Variants in COL5A2 observed in about 807,000 individuals in gnomAD.
COL5A2 encodes collagen type V alpha 2 chain, also known as collagen alpha-2(V) chain.
Under a neutral mutation model 208.2 loss-of-function variants are expected in COL5A2, and 23 were observed. The ratio of observed to expected loss-of-function variants is 0.11; its 90% CI spans 0.08 to 0.16. COL5A2 has a LOEUF of 0.16. COL5A2 is among the 10% of genes least tolerant of loss of function. COL5A2 has a pLI of 1.00. For missense variants in COL5A2, 1,590 were observed against 1,956.4 expected, an observed-to-expected ratio of 0.81 and a Z score of 3.53; for synonymous variants, 625 against 628.5, an observed-to-expected ratio of 0.99 and a Z score of 0.08.
chr2:189,249,988 G>A, the COL5A2 span, among the ~76,000 whole-genome samples: 3 of 152,222 alleles, frequency 2.0e-5, no homozygotes. Context: ...GTGAGCCACT[G>A]TGCCCAGCCT....
intron 1 of COL5A2, among the ~76,000 whole-genome samples, chr2:189,164,069 C>T (rs960616741): frequency 1.3e-5 from 2 of 152,160 alleles, no homozygotes; most frequent in South Asian, 2.1e-4. Flanking sequence ...AGAATGTAGA[C>T]AGGCCTGAGG....
At position 189,066,374 on chromosome 2, in the gene COL5A2, T is replaced by A; in HGVS notation, c.1563+16A>T. On this transcript the variant is annotated intron_variant, in intron 23 of 53. Coordinates refer to ENST00000374866, the MANE Select transcript of COL5A2 (RefSeq NM_000393.5). Reference sequence around the variant, plus strand: ...CCCTCACAACTGTAAGAATGTGTTGTATTATTTAAATTTACCCTTTCTCCC... The same window carrying A: ...CCCTCACAACTGTAAGAATGTGTTGAATTATTTAAATTTACCCTTTCTCCC... 1 of 1,587,994 alleles carries A rather than the reference T, an allele frequency of 6.3e-7. No individual in the cohort carries two copies. Among genetic ancestry groups the A allele is most frequent in the South Asian group, 1.1e-5 (1 of 90,528 alleles).
chr2:189,105,734 A>T (rs1687136430), intron 2 of COL5A2, among the ~76,000 whole-genome samples: 1 of 151,476 alleles, frequency 6.6e-6, no homozygotes, highest in Non-Finnish European at 1.5e-5. Context: ...TATATTTTAG[A>T]AGACTATAAA....
chr2:189,034,853 G>T (rs543794217), intron 53 of COL5A2, 63 bp downstream of exon 53: 44 of 1,598,028 alleles, frequency 2.8e-5, no homozygotes, highest in Non-Finnish European at 3.7e-5. Flanking sequence ...TGCTGTAATA[G>T]TATTTTTAAC....
chr2:189,036,938 C>T (rs556049576), intron 51 of COL5A2, 135 bp from the exon 52 acceptor site: 33 of 731,604 alleles, frequency 4.5e-5, no homozygotes, highest in African/African-American at 1.6e-4. Flanking sequence ...GTGCCCCTTA[C>T]GAAAAAAGTA....
At chr2:189,316,824 T>A in the COL5A2 span, among the ~76,000 whole-genome samples, 1 of 150,472 alleles carries the variant, frequency 6.6e-6, no homozygotes, top group South Asian at 2.1e-4. Context: ...TACTATTTGA[T>A]ACCACAACAG....
Position 189,063,988 on chromosome 2 carries a change from C to T in COL5A2, c.1762G>A (p.Gly588Arg), listed in dbSNP as rs749312789. Residue 588 changes from glycine to arginine, a missense_variant, in exon 26 of 54, where the codon GGA becomes AGA. Coordinates refer to ENST00000374866, the MANE Select transcript of COL5A2 (RefSeq NM_000393.5). ...PGVQGPEGKL[G>R]PLGAPGEDGR... is the part of the protein sequence containing the mutation. ...CTGTTTAAATTACTTACCAAAGGTC[C>T]AAGTTTTCCTTCAGGACCTTGAACA... The T allele has an allele frequency of 1.2e-6, 2 of 1,612,974 alleles. No homozygotes were observed. Among genetic ancestry groups the T allele is most frequent in the African/African-American group, 1.3e-5 (1 of 74,982 alleles).
chr2:189,360,972 GT>G, the COL5A2 span, among the ~76,000 whole-genome samples: 5,284 of 140,928 alleles, frequency 0.037, 98 homozygotes, highest in Admixed American at 0.053. Flanking sequence ...TGGCTGTTCT[GT>G]TTTTTTTTTT....
At position 189,050,648 on chromosome 2, in the gene COL5A2, C is replaced by T; in HGVS notation, c.2960G>A (p.Gly987Glu). The part of the protein sequence containing the change: ...PGPDGPPGPA[G>E]TTGQRGIVGM... Reference sequence around the variant, plus strand: ...AACAATTCCTCTCTGCCCGGTCGTTCCAGCTGGACCAGGGGGGCCATCTGG... The same window carrying T: ...AACAATTCCTCTCTGCCCGGTCGTTTCAGCTGGACCAGGGGGGCCATCTGG... Residue 987 changes from glycine to glutamate, a missense_variant, in exon 43 of 54, where the codon GGA becomes GAA. Transcript: ENST00000374866. The T allele has an allele frequency of 6.4e-7, 1 of 1,552,310 alleles. No homozygotes were observed. The highest frequency in any genetic ancestry group is 8.7e-7 in the Non-Finnish European group (1 of 1,147,262).
intron 2 of COL5A2, among the ~76,000 whole-genome samples, chr2:189,105,775 T>A (rs1281739645): frequency 6.6e-6 from 1 of 151,548 alleles, no homozygotes; most frequent in Non-Finnish European, 1.5e-5. Context: ...TTGAAATCAT[T>A]ATGATTTAAT....
the COL5A2 span, among the ~76,000 whole-genome samples, chr2:189,435,290 C>T: frequency 6.6e-6 from 1 of 152,074 alleles, no homozygotes; most frequent in African/African-American, 2.4e-5. Context: ...ATTAAAACAC[C>T]AAAAGCAATG....
chr2:189,217,168 T>A (rs1276233896), intron 1 of COL5A2, among the ~76,000 whole-genome samples: 3 of 152,158 alleles, frequency 2.0e-5, no homozygotes, highest in Non-Finnish European at 2.9e-5. Context: ...TTTATTCACT[T>A]TCTGAAGTAA....
chr2:189,412,471 A>G, the COL5A2 span, among the ~76,000 whole-genome samples: 1 of 152,196 alleles, frequency 6.6e-6, no homozygotes, highest in Non-Finnish European at 1.5e-5. Context: ...TTGATTCACT[A>G]ACAGAATAAT....
the COL5A2 span, among the ~76,000 whole-genome samples, chr2:189,236,067 T>C: frequency 6.6e-6 from 1 of 151,478 alleles, no homozygotes; most frequent in Non-Finnish European, 1.5e-5. Context: ...GCATTTCACA[T>C]GTGTTGTCAC....
At chr2:189,335,972 A>C in the COL5A2 span, among the ~76,000 whole-genome samples, 1 of 152,194 alleles carries the variant, frequency 6.6e-6, no homozygotes, top group South Asian at 2.1e-4. Flanking sequence ...GACAAGACAC[A>C]GACTGGGAGA....
At chr2:189,414,055 C>T in the COL5A2 span, among the ~76,000 whole-genome samples, 1 of 152,182 alleles carries the variant, frequency 6.6e-6, no homozygotes, top group Admixed American at 6.5e-5. Context: ...ACCACCCAAA[C>T]TGCTGGGACT....
At chr2:189,056,723 G>A (rs1685908216) in intron 35 of COL5A2, 3 of 549,210 alleles carry the variant, frequency 5.5e-6, no homozygotes, top group Non-Finnish European at 9.8e-6. Context: ...AGATAAAGAG[G>A]GCCCCCATCC....
intron 1 of COL5A2, among the ~76,000 whole-genome samples, chr2:189,198,396 T>C (rs1351746923): frequency 1.3e-5 from 2 of 152,168 alleles, no homozygotes; most frequent in Non-Finnish European, 2.9e-5. Context: ...AAGCAAAAGA[T>C]CTTATAAATA....
At chr2:189,051,289 A>AGGT (rs760860749) in intron 42 of COL5A2, 31 bp downstream of exon 42, 1 of 1,613,756 alleles carries the variant, frequency 6.2e-7, no homozygotes, top group African/African-American at 1.3e-5. Context: ...TCTCAGTTGA[A>AGGT]GGTGGTCTGG....
Sources: gnomAD v4.1 joint callset for allele counts (sites outside exome capture counted in the v4.1 genomes callset) on GRCh38, gnomAD v4.1.1 for gene constraint, MANE v1.5 for transcripts, NCBI Gene and HGNC (gene_info 2026-07-23, HGNC 2026-07-21) for gene names.